Variants in DLC1 observed in about 807,000 individuals in gnomAD.
DLC1 encodes the protein rho GTPase-activating protein 7.
Under a neutral mutation model 140.3 loss-of-function variants are expected in DLC1, and 54 were observed. The ratio of observed to expected loss-of-function variants is 0.38; its 90% CI spans 0.31 to 0.48. The LOEUF is 0.48. Among genes scored for constraint, DLC1 ranks in the 20% least tolerant of loss-of-function variants. The pLI is 0.96. For synonymous variants in DLC1, 986 were observed against 728.1 expected (o/e 1.35, Z -5.70); for missense variants, 2,536 against 1,907.0 (o/e 1.33, Z -6.14).
chr8:13,393,966 G>A (rs770173096), intron 3 of DLC1, among the ~76,000 whole-genome samples: 1 of 152,214 alleles, frequency 6.6e-6, no homozygotes, highest in Non-Finnish European at 1.5e-5. Flanking sequence ...GGCAGGGAGT[G>A]TGGCTAGCTA....
chr8:13,592,600 C>T (rs1021030341), intron 1 of DLC1, among the ~76,000 whole-genome samples: 2 of 151,946 alleles, frequency 1.3e-5, no homozygotes, highest in East Asian at 3.9e-4. Context: ...ACTGAGCAGC[C>T]ATTTGTTGAA....
intron 5 of DLC1, among the ~76,000 whole-genome samples, chr8:13,160,843 T>G (rs1824634570): frequency 6.6e-6 from 1 of 152,146 alleles, no homozygotes; most frequent in Non-Finnish European, 1.5e-5. Context: ...CCCAGCACTT[T>G]GGGAGGCCAA....
At chr8:13,371,448 T>C (rs1835723861) in intron 4 of DLC1, among the ~76,000 whole-genome samples, 1 of 152,178 alleles carries the variant, frequency 6.6e-6, no homozygotes, top group Non-Finnish European at 1.5e-5. Flanking sequence ...GGAGATGCTT[T>C]TGAATCTGAT....
chr8:13,280,958 C>G (rs898207547), intron 5 of DLC1, among the ~76,000 whole-genome samples: 3 of 152,314 alleles, frequency 2.0e-5, no homozygotes, highest in African/African-American at 7.2e-5. Flanking sequence ...CAGTGCCTAT[C>G]CCAGCATAAT....
At chr8:13,274,081 T>C (rs1256940673) in intron 5 of DLC1, among the ~76,000 whole-genome samples, 2 of 152,174 alleles carry the variant, frequency 1.3e-5, no homozygotes, top group African/African-American at 4.8e-5. Context: ...TGGTAGGACA[T>C]ATAACAAAGA....
intron 1 of DLC1, among the ~76,000 whole-genome samples, chr8:13,592,429 A>G (rs535522594): frequency 1.3e-5 from 2 of 151,784 alleles, no homozygotes; most frequent in African/African-American, 4.8e-5. Context: ...TTTGTAGCAA[A>G]CATATGGATC....
intron 1 of DLC1, among the ~76,000 whole-genome samples, chr8:13,522,165 C>T (rs1008290332): frequency 1.3e-5 from 2 of 152,118 alleles, no homozygotes; most frequent in South Asian, 4.1e-4. Flanking sequence ...TGGGGTATGG[C>T]ATCAGGAGCT....
chr8:13,592,382 T>C (rs912088900), intron 1 of DLC1, among the ~76,000 whole-genome samples: 3 of 152,100 alleles, frequency 2.0e-5, no homozygotes, highest in South Asian at 2.1e-4. Flanking sequence ...ATTTGTCTTT[T>C]ATTTGTTTTA....
intron 5 of DLC1, among the ~76,000 whole-genome samples, chr8:13,148,968 A>G (rs1034115958): frequency 4.0e-5 from 6 of 151,818 alleles, no homozygotes; most frequent in African/African-American, 1.2e-4. Context: ...AATTTTTTGT[A>G]TTTTTAGTAG....
intron 1 of DLC1, chr8:13,567,181 T>C (rs1804469534): frequency 2.6e-6 from 4 of 1,551,740 alleles, no homozygotes; most frequent in Non-Finnish European, 2.6e-6. Context: ...GACTCCAAGC[T>C]TGGAACAAGG....
intron 5 of DLC1, among the ~76,000 whole-genome samples, chr8:13,219,455 CAG>C (rs909952613): frequency 4.8e-5 from 3 of 63,012 alleles, no homozygotes; most frequent in Non-Finnish European, 9.6e-5. Context: ...AATATATAAA[CAG>C]GAATAGAATT....
chr8:13,174,473 T>A (rs1008617360), intron 5 of DLC1, among the ~76,000 whole-genome samples: 1 of 152,222 alleles, frequency 6.6e-6, no homozygotes, highest in Non-Finnish European at 1.5e-5. Context: ...CTAAGGTACA[T>A]TCCTACCAAC....
intron 5 of DLC1, among the ~76,000 whole-genome samples, chr8:13,145,514 A>G (rs1224031858): frequency 6.6e-6 from 1 of 152,218 alleles, no homozygotes; most frequent in Non-Finnish European, 1.5e-5. Flanking sequence ...TGATCTAGCA[A>G]TTCTACTCTA....
intron 2 of DLC1, among the ~76,000 whole-genome samples, chr8:13,471,252 C>T (rs187169017): frequency 3.7e-4 from 56 of 150,310 alleles, no homozygotes; most frequent in Non-Finnish European, 7.2e-4. Context: ...AAATAGTTAA[C>T]GATACTGAAT....
intron 2 of DLC1, among the ~76,000 whole-genome samples, chr8:13,496,807 TTTTTTTTTTTTGAGATGGAG>T (rs1801532318): frequency 8.1e-6 from 1 of 122,820 alleles, no homozygotes. Context: ...TTTTTTTTTT[TTTTTTTTTTTTGAGATGGAG>T]TTTCGCTGTG....
At chr8:13,117,136 T>G (rs1220146689) in intron 5 of DLC1, among the ~76,000 whole-genome samples, 1 of 152,210 alleles carries the variant, frequency 6.6e-6, no homozygotes, top group Non-Finnish European at 1.5e-5. Flanking sequence ...AAAACTATAT[T>G]GCTGGAAAAA....
intron 10 of DLC1, among the ~76,000 whole-genome samples, chr8:13,097,886 T>C (rs917466950): frequency 6.6e-6 from 1 of 151,962 alleles, no homozygotes; most frequent in Non-Finnish European, 1.5e-5. Context: ...AAATGTGGCC[T>C]CAAGAATATA....
At chr8:13,453,574 T>TC (rs1799257366) in intron 2 of DLC1, among the ~76,000 whole-genome samples, 2 of 112,586 alleles carry the variant, frequency 1.8e-5, no homozygotes, top group African/African-American at 7.3e-5. Flanking sequence ...TTTTTTTTTT[T>TC]CAGATAGAAA....
intron 5 of DLC1, among the ~76,000 whole-genome samples, chr8:13,118,424 T>A (rs1190965454): frequency 6.6e-6 from 1 of 152,154 alleles, no homozygotes; most frequent in Non-Finnish European, 1.5e-5. Context: ...TAAAAAAAAA[T>A]GACAATTTGT....
Sources: allele counts gnomAD v4.1 joint callset (sites outside exome capture counted in the v4.1 genomes callset), GRCh38; gene constraint gnomAD v4.1.1; transcripts MANE v1.5; gene names NCBI Gene and HGNC (gene_info 2026-07-23, HGNC 2026-07-21).